The following STAU1 variants were observed in gnomAD, a reference collection of about 807,000 sequenced individuals.
STAU1 encodes the protein staufen double-stranded RNA binding protein 1.
Under a neutral mutation model 62.9 loss-of-function variants are expected in STAU1, and 13 were observed. That is an observed-to-expected ratio of 0.21 (90% CI 0.13 to 0.33). STAU1 has a LOEUF of 0.33. Among genes scored for constraint, STAU1 ranks in the 10% least tolerant of loss-of-function variants. The probability of loss-of-function intolerance (pLI) is 1.00; values close to 1 mark genes in which losing one functional copy is unlikely to be tolerated. For missense variants in STAU1, 571 were observed against 712.1 expected, an observed-to-expected ratio of 0.80 and a Z score of 2.25; for synonymous variants, 269 against 265.1, an observed-to-expected ratio of 1.01 and a Z score of -0.14.
At chr20:49,195,535 CAAAAAA>C in the STAU1 span, among the ~76,000 whole-genome samples, 14 of 38,140 alleles carry the variant, frequency 3.7e-4, 1 homozygote, top group South Asian at 4.9e-3. Flanking sequence ...GACTCCGTCT[CAAAAAA>C]AAAAAAAAAA....
At chr20:49,126,795 C>T (rs2092637184) in intron 6 of STAU1, among the ~76,000 whole-genome samples, 1 of 151,414 alleles carries the variant, frequency 6.6e-6, no homozygotes, top group Admixed American at 6.6e-5. Context: ...GGCAAACACA[C>T]CAAAACAAAT....
At chr20:49,125,355 C>A (rs919920782) in intron 6 of STAU1, among the ~76,000 whole-genome samples, 2 of 150,606 alleles carry the variant, frequency 1.3e-5, no homozygotes, top group Admixed American at 6.6e-5. Flanking sequence ...ATGGTGAAAC[C>A]CCCATCTCTA....
chr20:49,159,120 C>A, intron 3 of STAU1: 2 of 1,104,396 alleles, frequency 1.8e-6, no homozygotes, highest in Non-Finnish European at 1.1e-6. Context: ...GTGATTGTCT[C>A]ATGGATAAAT....
intron 5 of STAU1, among the ~76,000 whole-genome samples, chr20:49,147,857 G>A (rs973938889): frequency 4.6e-5 from 7 of 152,170 alleles, no homozygotes; most frequent in African/African-American, 1.7e-4. Context: ...GTGAAAAAAG[G>A]TGGTTACTGT....
chr20:49,146,781 G>GT (rs1254892857), intron 5 of STAU1, among the ~76,000 whole-genome samples: 2 of 151,638 alleles, frequency 1.3e-5, no homozygotes, highest in African/African-American at 4.8e-5. Flanking sequence ...TGTATGCACA[G>GT]TAACAGCTCT....
At chr20:49,208,868 T>G in the STAU1 span, among the ~76,000 whole-genome samples, 1 of 151,722 alleles carries the variant, frequency 6.6e-6, no homozygotes. Flanking sequence ...CTGATCCGCC[T>G]GCCTCGGCCT....
chr20:49,136,652 T>C (rs571825830), intron 5 of STAU1, among the ~76,000 whole-genome samples: 1 of 152,174 alleles, frequency 6.6e-6, no homozygotes, highest in East Asian at 1.9e-4. Context: ...TCAGATTAAG[T>C]CTGTCCACAT....
At chr20:49,192,375 A>T (rs996993471), upstream of STAU1, among the ~76,000 whole-genome samples, 1 of 151,880 alleles carries the variant, frequency 6.6e-6, no homozygotes, top group African/African-American at 2.4e-5. Flanking sequence ...AAAACAAGAG[A>T]AAAAAGATAT....
At chr20:49,206,187 T>A in the STAU1 span, among the ~76,000 whole-genome samples, 1 of 140,534 alleles carries the variant, frequency 7.1e-6, no homozygotes, top group Non-Finnish European at 1.5e-5. Flanking sequence ...AAGTACGGGG[T>A]TTTACCATAT....
rs763679701 is a variant in STAU1 at position 49,135,887 on chromosome 20, T to C, written c.555A>G (p.Glu185=). ...ESEEENLNKS[E]ISQVFEIALK... Reference sequence around the variant, plus strand: ...GTGCAATCTCAAACACTTGACTTATTTCAGATTTATTGAGATTTTCTTCTT... The same window carrying C: ...GTGCAATCTCAAACACTTGACTTATCTCAGATTTATTGAGATTTTCTTCTT... Residue 185 remains glutamate (E), a synonymous_variant, in exon 6 of 14, where the codon GAA becomes GAG. Transcript: ENST00000371856. 3 of 1,613,920 alleles carry C rather than the reference T, an allele frequency of 1.9e-6. No homozygotes were observed. Among genetic ancestry groups the C allele is most frequent in the Non-Finnish European group, 2.5e-6 (3 of 1,180,014 alleles).
intron 3 of STAU1, among the ~76,000 whole-genome samples, chr20:49,162,539 C>T (rs1429804619): frequency 1.3e-5 from 2 of 152,104 alleles, no homozygotes; most frequent in African/African-American, 4.8e-5. Context: ...CTTTGGGAGG[C>T]CGAGGCAGGC....
At chr20:49,212,216 T>C in the STAU1 span, among the ~76,000 whole-genome samples, 1 of 152,198 alleles carries the variant, frequency 6.6e-6, no homozygotes, top group South Asian at 2.1e-4. Context: ...CTCCAACTCC[T>C]GAGCTCAAGT....
At chr20:49,191,405 A>G (rs2093831083), upstream of STAU1, among the ~76,000 whole-genome samples, 1 of 152,142 alleles carries the variant, frequency 6.6e-6, no homozygotes, top group South Asian at 2.1e-4. Flanking sequence ...GAGTATATCT[A>G]TTAGGCTAGA....
chr20:49,198,844 T>A, the STAU1 span, among the ~76,000 whole-genome samples: 1 of 152,160 alleles, frequency 6.6e-6, no homozygotes, highest in East Asian at 1.9e-4. Context: ...GTGCCTATAG[T>A]CCCAGCTACT....
intron 4 of STAU1, among the ~76,000 whole-genome samples, chr20:49,153,177 G>A (rs1169194032): frequency 6.7e-6 from 1 of 149,194 alleles, no homozygotes; most frequent in East Asian, 2.0e-4. Flanking sequence ...ATGAACCCGG[G>A]AGGCAGAGCT....
chr20:49,165,987 A>G lies in STAU1; in HGVS notation c.205+10T>C, dbSNP rs8114270. 4.3e-4 allele frequency: 700 copies of G among 1,613,772 alleles called. 1 individual carries two copies. The African/African-American group carries it at 8.2e-3, about 19-fold the overall frequency. The stretch of plus-strand genomic sequence containing the variant: ...TTTGAAATAGAAGACACTTGGATTC[A>G]TATGCTTACCTGCAGCTGCACTGGT... On this transcript the variant is annotated intron_variant, in intron 3 of 13. Transcript: ENST00000371856.
the STAU1 span, among the ~76,000 whole-genome samples, chr20:49,216,117 C>G: frequency 6.7e-6 from 1 of 150,150 alleles, no homozygotes; most frequent in South Asian, 2.1e-4. Context: ...TAGCTGGGTG[C>G]AGTGGCCCAC....
intron 6 of STAU1, among the ~76,000 whole-genome samples, chr20:49,128,194 C>T (rs1358777395): frequency 4.6e-5 from 7 of 151,500 alleles, no homozygotes; most frequent in Admixed American, 2.6e-4. Context: ...TGTGTGGTGG[C>T]GTGTGCCTGT....
intron 4 of STAU1, 73 bp downstream of exon 4, chr20:49,153,860 G>C: frequency 6.9e-7 from 1 of 1,455,926 alleles, no homozygotes; most frequent in Non-Finnish European, 9.1e-7. Flanking sequence ...CAATCTAGAG[G>C]TACTGGTTTA....
Sources: allele counts gnomAD v4.1 joint callset (sites outside exome capture counted in the v4.1 genomes callset), GRCh38; gene constraint gnomAD v4.1.1; transcripts MANE v1.5; gene names NCBI Gene and HGNC (gene_info 2026-07-23, HGNC 2026-07-21).